Variants in CNOT3 observed in about 807,000 individuals in gnomAD.
CNOT3 encodes the protein CCR4-associated factor 3.
Under a neutral mutation model 89.4 loss-of-function variants are expected in CNOT3, and 2 were observed. The observed-to-expected ratio is 0.02, with a 90% confidence interval of 0.01 to 0.07. The LOEUF is 0.07. Among genes scored for constraint, CNOT3 ranks in the 10% least tolerant of loss-of-function variants. The probability of loss-of-function intolerance (pLI) is 1.00; values close to 1 mark genes in which losing one functional copy is unlikely to be tolerated. For missense variants in CNOT3, 664 were observed against 1,010.2 expected (o/e 0.66, Z 4.65); for synonymous variants, 486 against 402.0 (o/e 1.21, Z -2.50).
intron 13 of CNOT3, among the ~76,000 whole-genome samples, chr19:54,150,494 C>T (rs749929413): frequency 2.2e-3 from 322 of 148,818 alleles, no homozygotes; most frequent in Non-Finnish European, 4.0e-3. Flanking sequence ...TCCTGATCAT[C>T]GAGGGTCAGG....
intron 17 of CNOT3, chr19:54,154,074 C>G: frequency 1.4e-6 from 1 of 710,104 alleles, no homozygotes; most frequent in Admixed American, 2.0e-5. Flanking sequence ...ATGTCCCTTC[C>G]TCAAAGAAAC....
chr19:54,138,210 T>A (rs181397046), intron 1 of CNOT3, among the ~76,000 whole-genome samples: 1 of 151,054 alleles, frequency 6.6e-6, no homozygotes, highest in Admixed American at 6.6e-5. Flanking sequence ...TCTTTCACGT[T>A]CCTCAGCGCC....
rs587694992 is a variant in CNOT3 at position 54,143,525 on chromosome 19, G to A, written c.168+9G>A. Reference sequence around the variant, plus strand: ...AGATTAAGAAGCTACAAGTGAGGGGGCTGGGGGCCTGGACGCCTTTGTCCT... The same window carrying A: ...AGATTAAGAAGCTACAAGTGAGGGGACTGGGGGCCTGGACGCCTTTGTCCT... On this transcript the variant is annotated intron_variant, in intron 4 of 17. Transcript: ENST00000221232. 4 of 1,613,780 alleles carry A rather than the reference G, an allele frequency of 2.5e-6. No homozygotes were observed. The African/African-American group carries it at 5.3e-5, about 22-fold the overall frequency.
intron 1 of CNOT3, among the ~76,000 whole-genome samples, chr19:54,141,053 A>G (rs755476161): frequency 4.6e-5 from 7 of 152,142 alleles, no homozygotes; most frequent in Non-Finnish European, 4.4e-5. Flanking sequence ...TGTTCCCCCT[A>G]TGCAGTAAGA....
intron 16 of CNOT3, chr19:54,153,450 T>G (rs1568690843): frequency 1.3e-6 from 1 of 774,142 alleles, no homozygotes; most frequent in Non-Finnish European, 2.4e-6. Flanking sequence ...CTAAATTGCC[T>G]CCTCTCTCAG....
At chr19:54,152,133 A>C (rs371694645) in intron 13 of CNOT3, 93 bp from the exon 14 acceptor site, 4 of 1,392,224 alleles carry the variant, frequency 2.9e-6, no homozygotes, top group Non-Finnish European at 4.0e-6. Flanking sequence ...ACGGCCCCCA[A>C]ACAGGGCAGG....
In CNOT3 at chr19:54,152,695, G is replaced by A. The variant is rs2075187642; in HGVS notation, c.1904+69G>A. The A allele has an allele frequency of 3.7e-6, 5 of 1,339,668 alleles. No individual in the cohort carries two copies. The South Asian group carries it at 4.8e-5, about 13-fold the overall frequency. 83.0% of individuals were successfully genotyped at this position (1,339,668 alleles called of 1,614,324 possible). A position where few individuals can be genotyped will look rare whatever the true frequency, so the allele number is the denominator to read the frequency against. ...TACGGAGGAGGCAGTGGCTGAACCT[G>A]TGAGGCTGTGGGTAGAGCACCAGGC... is the stretch of plus-strand genomic sequence containing the variant. On this transcript the variant is annotated intron_variant, in intron 15 of 17. Transcript: ENST00000221232.
chr19:54,143,348 G>T (rs587761983), intron 3 of CNOT3, 94 bp from the exon 4 acceptor site: 21 of 1,362,076 alleles, frequency 1.5e-5, no homozygotes, highest in African/African-American at 7.2e-5. Context: ...GGGTTGGGGG[G>T]GGTCCTCGAG....
chr19:54,154,026 T>G (rs1284226209), intron 17 of CNOT3, 186 bp downstream of exon 17: 1 of 786,784 alleles, frequency 1.3e-6, no homozygotes, highest in African/African-American at 1.7e-5. Flanking sequence ...CATCCTCCAC[T>G]TGGCCAGCTC....
At chr19:54,152,672 CGGA>C (rs768549321) in intron 15 of CNOT3, 46 bp downstream of exon 15, 4 of 1,495,466 alleles carry the variant, frequency 2.7e-6, no homozygotes, top group Non-Finnish European at 2.8e-6. Flanking sequence ...TTGAGTCTTA[CGGA>C]GGAGGCAGTG....
chr19:54,146,303 A>G (rs1191971329), intron 9 of CNOT3, among the ~76,000 whole-genome samples: 2 of 152,146 alleles, frequency 1.3e-5, no homozygotes, highest in Non-Finnish European at 2.9e-5. Flanking sequence ...GGGCTGCCTG[A>G]GGAGGCTGGG....
At chr19:54,139,857 G>C (rs920843581) in intron 1 of CNOT3, among the ~76,000 whole-genome samples, 2 of 152,052 alleles carry the variant, frequency 1.3e-5, no homozygotes, top group East Asian at 1.9e-4. Flanking sequence ...CCTTGGCATG[G>C]GGCATCTCAG....
At chr19:54,138,479 C>CG (rs1463089276) in intron 1 of CNOT3, among the ~76,000 whole-genome samples, 1 of 151,644 alleles carries the variant, frequency 6.6e-6, no homozygotes, top group Admixed American at 6.6e-5. Context: ...GCCTCCGCGC[C>CG]GGGGCTTCTC....
In CNOT3 at chr19:54,144,511, C is replaced by T. The variant is rs912887090; in HGVS notation, c.483+179C>T. The stretch of plus-strand genomic sequence containing the variant: ...ATTGGGAGGGCTTAGCAGCTGCACG[C>T]GTGGGGCAGGAAGGAGGTCAGACAG... On this transcript the variant is annotated intron_variant, in intron 7 of 17. Transcript: ENST00000221232. This position sits in a 1 kb window ranked among gnomAD's most constrained non-coding sequence, Gnocchi z 4.8. Among the ~76,000 whole-genome samples, 2 of 152,114 alleles carry T rather than the reference C, an allele frequency of 1.3e-5. No homozygotes were observed. Among genetic ancestry groups the T allele is most frequent in the South Asian group, 2.1e-4 (1 of 4,828 alleles).
intron 1 of CNOT3, among the ~76,000 whole-genome samples, chr19:54,140,261 C>G (rs1250029135): frequency 6.6e-6 from 1 of 152,162 alleles, no homozygotes; most frequent in East Asian, 1.9e-4. Context: ...CCCACCCCGC[C>G]ACCCGCCTTG....
chr19:54,140,226 G>A (rs746526859), intron 1 of CNOT3, among the ~76,000 whole-genome samples: 10 of 152,162 alleles, frequency 6.6e-5, no homozygotes, highest in Non-Finnish European at 1.3e-4. Flanking sequence ...TGGCTCCTGT[G>A]AGGCTGGTGT....
chr19:54,152,528 G>A lies in CNOT3; in HGVS notation c.1806G>A (p.Leu602=). The part of the protein sequence containing the change: ...NIPLSLGVCP[L]GPVPLTKEQL... ...CGCTGTCGCTGGGTGTCTGTCCACT[G>A]GGCCCTGTGCCCCTCACCAAGGAGC... The change falls in exon 15 of 18, where the codon CTG becomes CTA. Residue 602 remains leucine, a synonymous_variant. Transcript: ENST00000221232. 1 of 1,614,158 alleles carries A rather than the reference G, an allele frequency of 6.2e-7. No individual in the cohort carries two copies. Among genetic ancestry groups the A allele is most frequent in the African/African-American group, 1.3e-5 (1 of 75,052 alleles).
intron 1 of CNOT3, 59 bp from the exon 2 acceptor site, chr19:54,142,870 C>G (rs587763081): frequency 2.0e-5 from 22 of 1,122,016 alleles, no homozygotes; most frequent in Non-Finnish European, 3.0e-5. Context: ...AGGTCCATGT[C>G]TCTGGGTTTT....
rs587716710 is a variant in CNOT3 at position 54,145,503 on chromosome 19, A to C, written c.484-95A>C. On this transcript the variant is annotated intron_variant, in intron 7 of 17. Coordinates refer to ENST00000221232, the MANE Select transcript of CNOT3 (RefSeq NM_014516.4). The surrounding 1 kb of genome is among the most constrained non-coding windows in gnomAD (Gnocchi z 5.9). ...GATGGCGTGGAGGCTTTGGGTCTCC[A>C]CAGGGGTCAGGGACTGAGGACAGGT... 9.4e-6 allele frequency: 8 copies of C among 854,028 alleles called. No individual in the cohort carries two copies. The highest frequency in any genetic ancestry group is 5.2e-5 in the East Asian group (2 of 38,168). The allele number at this position is 854,028 out of a possible 1,614,324, so 52.9% of individuals were successfully genotyped here. A position where few individuals can be genotyped will look rare whatever the true frequency, so the allele number is the denominator to read the frequency against.
Sources: gnomAD v4.1 joint callset for allele counts (sites outside exome capture counted in the v4.1 genomes callset) on GRCh38, gnomAD v4.1.1 for gene constraint, Gnocchi (gnomAD v3.1) non-coding constraint, MANE v1.5 for transcripts, NCBI Gene and HGNC (gene_info 2026-07-23, HGNC 2026-07-21) for gene names.